Variants in MRTFB observed in about 807,000 individuals in gnomAD.
MRTFB encodes the protein myocardin-related transcription factor B.
Under a neutral mutation model 104.2 loss-of-function variants are expected in MRTFB, and 29 were observed. The ratio of observed to expected loss-of-function variants is 0.28; its 90% CI spans 0.21 to 0.38. The LOEUF is 0.38. Among genes scored for constraint, MRTFB ranks in the 10% least tolerant of loss-of-function variants. MRTFB has a pLI of 1.00. For synonymous variants in MRTFB, 535 were observed against 519.5 expected, an observed-to-expected ratio of 1.03 and a Z score of -0.41; for missense variants, 1,270 against 1,341.6, an observed-to-expected ratio of 0.95 and a Z score of 0.83.
At chr16:14,080,261 C>T (rs953494995) in intron 2 of MRTFB, among the ~76,000 whole-genome samples, 4 of 152,208 alleles carry the variant, frequency 2.6e-5, no homozygotes, top group South Asian at 2.1e-4. Context: ...TTATAACCCC[C>T]CTCAGAATCC....
At chr16:14,064,652 G>C in the MRTFB span, among the ~76,000 whole-genome samples, 1 of 152,098 alleles carries the variant, frequency 6.6e-6, no homozygotes, top group African/African-American at 2.4e-5. Flanking sequence ...GTAAGGAAGG[G>C]GTCCAGTTTC....
At chr16:14,017,981 C>G in the MRTFB span, among the ~76,000 whole-genome samples, 1 of 151,944 alleles carries the variant, frequency 6.6e-6, no homozygotes, top group African/African-American at 2.4e-5. Flanking sequence ...CTCGACCTCC[C>G]AAAGTGCTGG....
At chr16:14,238,312 C>T (rs902924610) in intron 9 of MRTFB, among the ~76,000 whole-genome samples, 1 of 151,948 alleles carries the variant, frequency 6.6e-6, no homozygotes, top group Admixed American at 6.6e-5. Flanking sequence ...AAGGTTTTGC[C>T]AGGTGTCTAT....
Position 14,071,375 on chromosome 16 carries a change from G to C in MRTFB, c.-129+10G>C, listed in dbSNP as rs1415553375. 1 of 165,406 alleles carries C rather than the reference G, an allele frequency of 6.0e-6. No homozygotes were observed. The highest frequency in any genetic ancestry group is 1.3e-5 in the Non-Finnish European group (1 of 79,174). The allele number at this position is 165,406 out of a possible 1,614,324, so 10.2% of individuals were successfully genotyped here. On this transcript the variant is annotated intron_variant, in intron 1 of 16. Transcript: ENST00000571589. Reference sequence around the variant, plus strand: ...GGCGGCGGCCGGGGAGGTGAGCGGCGGGCGGTGGCGGCCGTTGGGGGCTGA... The same window carrying C: ...GGCGGCGGCCGGGGAGGTGAGCGGCCGGCGGTGGCGGCCGTTGGGGGCTGA...
intron 1 of MRTFB, among the ~76,000 whole-genome samples, chr16:14,077,187 G>A (rs1567294808): frequency 2.0e-5 from 3 of 152,128 alleles, no homozygotes; most frequent in Admixed American, 6.5e-5. Context: ...AGGCCTCCAC[G>A]ATTTCTGGAA....
intron 8 of MRTFB, among the ~76,000 whole-genome samples, chr16:14,232,983 G>GT: frequency 6.6e-6 from 1 of 152,226 alleles, no homozygotes; most frequent in Non-Finnish European, 1.5e-5. Flanking sequence ...TAAGGGTGGT[G>GT]TAAGTAAGTC....
chr16:14,245,728 G>C, intron 11 of MRTFB, 68 bp downstream of exon 11: 1 of 1,529,298 alleles, frequency 6.5e-7, no homozygotes, highest in Non-Finnish European at 8.8e-7. Context: ...TGCCAGCGTT[G>C]TCTAGCAGAC....
chr16:14,255,827 A>G (rs1212451336), intron 15 of MRTFB, among the ~76,000 whole-genome samples: 6 of 152,102 alleles, frequency 3.9e-5, no homozygotes, highest in Non-Finnish European at 1.5e-5. Flanking sequence ...AAAAATCAAT[A>G]GAAAGGCCTG....
At chr16:14,236,117 G>A (rs1031470627) in intron 9 of MRTFB, among the ~76,000 whole-genome samples, 9 of 151,256 alleles carry the variant, frequency 6.0e-5, no homozygotes, top group Non-Finnish European at 1.2e-4. Context: ...GGAGGTTAAG[G>A]CTGCAGTGAG....
At chr16:14,183,896 C>T (rs13330280) in intron 3 of MRTFB, among the ~76,000 whole-genome samples, 1 of 151,842 alleles carries the variant, frequency 6.6e-6, no homozygotes, top group Non-Finnish European at 1.5e-5. Flanking sequence ...GCAGAGGTTT[C>T]TTAAGAGATA....
At chr16:14,017,452 T>C in the MRTFB span, among the ~76,000 whole-genome samples, 58 of 151,494 alleles carry the variant, frequency 3.8e-4, no homozygotes, top group Admixed American at 2.2e-3. Context: ...TGTGATTTTA[T>C]TACTTGAGCT....
intron 3 of MRTFB, among the ~76,000 whole-genome samples, chr16:14,153,790 A>C (rs1221359192): frequency 6.6e-6 from 1 of 152,174 alleles, no homozygotes; most frequent in East Asian, 1.9e-4. Context: ...TGAGGGTTAT[A>C]TAAATGTCAA....
chr16:14,212,097 A>C (rs560342426), intron 4 of MRTFB, among the ~76,000 whole-genome samples: 1 of 152,348 alleles, frequency 6.6e-6, no homozygotes, highest in East Asian at 1.9e-4. Flanking sequence ...GAGTAGTCAG[A>C]ACTAGTCTGA....
chr16:14,249,106 G>A lies in MRTFB; in HGVS notation c.2403+25G>A, dbSNP rs148059000. 2,318 of 1,607,448 alleles carry A rather than the reference G, an allele frequency of 1.4e-3. 18 individuals are homozygous for A. Among genetic ancestry groups the A allele is most frequent in the African/African-American group, 8.3e-3 (621 of 74,790 alleles). ...GGTTTGTAAATGCCAAGGAGCAATAGAATGTCGCTGATTTTTACCATCCTC... is the reference window on the plus strand; with the variant it reads ...GGTTTGTAAATGCCAAGGAGCAATAAAATGTCGCTGATTTTTACCATCCTC... On this transcript the variant is annotated intron_variant, in intron 13 of 16. Transcript: ENST00000571589.
chr16:14,200,242 A>G (rs2040623034), intron 3 of MRTFB: 3 of 1,343,450 alleles, frequency 2.2e-6, no homozygotes, highest in African/African-American at 2.9e-5. Flanking sequence ...TATGAATAAT[A>G]CATCCATATG....
chr16:14,184,364 AG>A (rs1442093321), intron 3 of MRTFB, among the ~76,000 whole-genome samples: 15 of 152,062 alleles, frequency 9.9e-5, no homozygotes, highest in African/African-American at 3.6e-4. Context: ...CTGGGATTAT[AG>A]GTATGTGCTA....
intron 10 of MRTFB, among the ~76,000 whole-genome samples, chr16:14,245,127 C>T (rs2042955726): frequency 6.6e-6 from 1 of 152,122 alleles, no homozygotes; most frequent in Non-Finnish European, 1.5e-5. Flanking sequence ...ACTCAAGGGT[C>T]CGGGTATGCA....
intron 3 of MRTFB, among the ~76,000 whole-genome samples, chr16:14,172,445 A>G (rs1200464190): frequency 6.6e-6 from 1 of 152,006 alleles, no homozygotes; most frequent in Non-Finnish European, 1.5e-5. Flanking sequence ...ATGTGTGAAC[A>G]TTTTAGTTGT....
chr16:14,213,537 T>G lies in MRTFB; in HGVS notation c.277-8T>G, dbSNP rs780432473. ...TGATTTATGGTAAGACTTTTTTTCTTTTTAAAGACTGAAAACTTTTTGAAA... is the reference window on the plus strand; with the variant it reads ...TGATTTATGGTAAGACTTTTTTTCTGTTTAAAGACTGAAAACTTTTTGAAA... On this transcript the variant is annotated splice_region_variant and splice_polypyrimidine_tract_variant and intron_variant, in intron 5 of 16. Coordinates refer to ENST00000571589, the MANE Select transcript of MRTFB (RefSeq NM_001308142.2). 7 of 1,588,054 alleles carry G rather than the reference T, an allele frequency of 4.4e-6. No individual in the cohort carries two copies. The South Asian group carries it at 7.0e-5, about 16-fold the overall frequency.
Sources: gnomAD v4.1 joint callset for allele counts (sites outside exome capture counted in the v4.1 genomes callset) on GRCh38, gnomAD v4.1.1 for gene constraint, MANE v1.5 for transcripts, NCBI Gene and HGNC (gene_info 2026-07-23, HGNC 2026-07-21) for gene names.